Variants in CXCL13 observed in about 807,000 individuals in gnomAD.
The protein encoded by CXCL13 is C-X-C motif chemokine 13.
CXCL13 carries 7 observed loss-of-function variants against 12.2 expected under a neutral mutation model. The ratio of observed to expected loss-of-function variants is 0.57; its 90% CI spans 0.33 to 1.07. The LOEUF (loss-of-function observed/expected upper bound fraction) is 1.07. CXCL13 is among the 50% of genes least tolerant of loss of function. The pLI, the probability that CXCL13 is intolerant of heterozygous loss-of-function variation, is 0.04. For synonymous variants in CXCL13, 47 were observed against 42.4 expected (o/e 1.11, Z -0.42); for missense variants, 113 against 127.4 (o/e 0.89, Z 0.55).
chr4:77,608,356 C>T (rs983469784), intron 2 of CXCL13, among the ~76,000 whole-genome samples: 3 of 151,742 alleles, frequency 2.0e-5, no homozygotes, highest in Non-Finnish European at 4.4e-5. Context: ...AGGAGAACCG[C>T]TTGAACCTGG....
At chr4:77,565,877 T>A (rs1725916078) in intron 1 of CXCL13, among the ~76,000 whole-genome samples, 1 of 152,164 alleles carries the variant, frequency 6.6e-6, no homozygotes, top group Non-Finnish European at 1.5e-5. Flanking sequence ...CCTAGGTGGA[T>A]GTGTAATTAG....
chr4:77,589,412 C>A (rs947021210), intron 1 of CXCL13, among the ~76,000 whole-genome samples: 1 of 151,986 alleles, frequency 6.6e-6, no homozygotes, highest in Non-Finnish European at 1.5e-5. Flanking sequence ...TTCAAGTCAC[C>A]CTTACTTTAC....
rs115308291 is a variant in CXCL13 at position 77,525,919 on chromosome 4, T to G, written c.-43+14131T>G. Among the ~76,000 whole-genome samples the G allele has an allele frequency of 6.3e-3, 894 of 142,682 alleles. 10 individuals are homozygous for G. Among genetic ancestry groups the G allele is most frequent in the African/African-American group, 0.021 (823 of 39,696 alleles). The allele number at this position is 142,682 out of a possible 152,430, so 93.6% of individuals were successfully genotyped here. ...GTAGGCTTTTTTTAAATTGTGGGTT[T>G]GTTTTTTTTTTATTATTTTTGCCTT... On this transcript the variant is annotated intron_variant, in intron 1 of 4. Transcript: ENST00000286758.
At chr4:77,530,237 C>G (rs975110474) in intron 1 of CXCL13, among the ~76,000 whole-genome samples, 7 of 152,020 alleles carry the variant, frequency 4.6e-5, no homozygotes, top group African/African-American at 1.4e-4. Context: ...CTAAAATTCT[C>G]TTTTTTTGTT....
chr4:77,521,457 G>C (rs548071876), intron 1 of CXCL13, among the ~76,000 whole-genome samples: 6 of 152,134 alleles, frequency 3.9e-5, no homozygotes, highest in African/African-American at 1.4e-4. Context: ...GGGTGTATGT[G>C]TCCAGGAATT....
chr4:77,564,881 G>T (rs1247236284), intron 1 of CXCL13, among the ~76,000 whole-genome samples: 3 of 152,212 alleles, frequency 2.0e-5, no homozygotes, highest in South Asian at 4.1e-4. Context: ...GTGGAGCAAA[G>T]TTCCCCATTT....
chr4:77,576,177 C>T (rs1366493603), intron 1 of CXCL13, among the ~76,000 whole-genome samples: 1 of 149,594 alleles, frequency 6.7e-6, no homozygotes, highest in Non-Finnish European at 1.5e-5. Context: ...TCATGAAGAG[C>T]TGAAATGTTT....
intron 1 of CXCL13, among the ~76,000 whole-genome samples, chr4:77,524,623 G>T (rs549901956): frequency 6.6e-6 from 1 of 152,258 alleles, no homozygotes; most frequent in Non-Finnish European, 1.5e-5. Context: ...GGTACAGTCT[G>T]TTGCAGCTTC....
upstream of CXCL13, among the ~76,000 whole-genome samples, chr4:77,601,941 G>T (rs780849083): frequency 5.9e-5 from 9 of 152,196 alleles, no homozygotes; most frequent in African/African-American, 1.9e-4. Flanking sequence ...CTTTTCTATT[G>T]TGCTGAAAGT....
chr4:77,580,518 G>C (rs1220396111), intron 1 of CXCL13, among the ~76,000 whole-genome samples: 4 of 150,268 alleles, frequency 2.7e-5, no homozygotes, highest in Non-Finnish European at 5.9e-5. Context: ...GTAGAGACGG[G>C]GTTTCACCAT....
intron 1 of CXCL13, among the ~76,000 whole-genome samples, chr4:77,527,341 T>G (rs1174622989): frequency 6.6e-6 from 1 of 152,198 alleles, no homozygotes; most frequent in Non-Finnish European, 1.5e-5. Flanking sequence ...TTGCAGTTTC[T>G]TAAACATGCA....
At chr4:77,520,352 G>A (rs1009919260) in intron 1 of CXCL13, among the ~76,000 whole-genome samples, 2 of 152,260 alleles carry the variant, frequency 1.3e-5, no homozygotes, top group East Asian at 1.9e-4. Context: ...CATGAGCATG[G>A]AATGTTCTTC....
Position 77,608,546 on chromosome 4 carries a change from C to A in CXCL13, c.197+711C>A, listed in dbSNP as rs530031124. ...CGACACCTTGAAGTATTAGGCACAG[C>A]ATCTTTCTCAGGGCATCCCTGACTT... is the stretch of plus-strand genomic sequence containing the variant. On this transcript the variant is annotated intron_variant, in intron 2 of 3. Transcript: ENST00000682537. Among the ~76,000 whole-genome samples, 4 of 152,292 alleles carry A rather than the reference C, an allele frequency of 2.6e-5. No homozygotes were observed. The South Asian group carries it at 8.3e-4, about 32-fold the overall frequency.
Position 77,611,544 on chromosome 4 carries a change from C to T in CXCL13, c.*505C>T, listed in dbSNP as rs1217304003. 4 of 396,230 alleles carry T rather than the reference C, an allele frequency of 1.0e-5. No individual in the cohort carries two copies. Among genetic ancestry groups the T allele is most frequent in the South Asian group, 1.4e-4 (1 of 6,988 alleles). The allele number at this position is 396,230 out of a possible 1,614,324, so 24.5% of individuals were successfully genotyped here. A position where few individuals can be genotyped will look rare whatever the true frequency, so the allele number is the denominator to read the frequency against. On this transcript the variant is annotated 3_prime_UTR_variant, in exon 4 of 4. Coordinates refer to ENST00000682537, the MANE Select transcript of CXCL13 (RefSeq NM_001371558.1). The stretch of plus-strand genomic sequence containing the variant: ...ATATCCTCTGCTTAAAAACTCACTA[C>T]GGAGGAGAATTAAGTCCTACTTTTA...
In CXCL13 at chr4:77,611,750, G is replaced by A. The variant is rs1405395736; in HGVS notation, c.*711G>A. 8.0e-6 allele frequency: 3 copies of A among 375,052 alleles called. No individual in the cohort carries two copies. The highest frequency in any genetic ancestry group is 1.4e-5 in the Non-Finnish European group (3 of 214,524). The allele number at this position is 375,052 out of a possible 1,614,324, so 23.2% of individuals were successfully genotyped here. A position where few individuals can be genotyped will look rare whatever the true frequency, so the allele number is the denominator to read the frequency against. On this transcript the variant is annotated 3_prime_UTR_variant, in exon 4 of 4. Transcript: ENST00000682537. ...ACTGACTTTTTTTGTGGGGGGCGGG[G>A]CCGGGGGGACTCTGGTATCTAATTC...
chr4:77,522,514 C>CTTTTTTTTTTT lies in CXCL13; in HGVS notation c.-43+10746_-43+10756dup, dbSNP rs777857811. On this transcript the variant is annotated intron_variant, in intron 1 of 4. Coordinates refer to the CXCL13 transcript ENST00000286758. ...TCAGAGACTAGGACTGCAACCCCTGCTTTTTTTTTTTTTTTTTTTTTTTTT... is the reference window on the plus strand; with the variant it reads ...TCAGAGACTAGGACTGCAACCCCTGCTTTTTTTTTTTTTTTTTTTTTTTTTTTTTTTTTTTT... 2.0e-3 allele frequency among the ~76,000 whole-genome samples: 20 copies of CTTTTTTTTTTT among 10,090 alleles called. 4 individuals are homozygous for CTTTTTTTTTTT. Among genetic ancestry groups the CTTTTTTTTTTT allele is most frequent in the African/African-American group, 4.3e-3 (11 of 2,558 alleles). The allele number at this position is 10,090 out of a possible 152,430, so 6.6% of individuals were successfully genotyped here. A position where few individuals can be genotyped will look rare whatever the true frequency, so the allele number is the denominator to read the frequency against.
intron 1 of CXCL13, among the ~76,000 whole-genome samples, chr4:77,532,635 G>C (rs566669456): frequency 6.6e-6 from 1 of 152,322 alleles, no homozygotes; most frequent in African/African-American, 2.4e-5. Context: ...ATATCCTGTA[G>C]AGTGTTTTCC....
At chr4:77,516,793 G>T (rs183041215) in intron 1 of CXCL13, among the ~76,000 whole-genome samples, 10,900 of 151,880 alleles carry the variant, frequency 0.072, 1,107 homozygotes, top group African/African-American at 0.23. Context: ...AAGGGTTTTT[G>T]TGTCTCTATT....
chr4:77,571,591 G>A (rs971669894), intron 1 of CXCL13, among the ~76,000 whole-genome samples: 9 of 151,780 alleles, frequency 5.9e-5, no homozygotes, highest in South Asian at 2.1e-4. Context: ...TGATGGGGAC[G>A]TGGAGAACCT....
Sources: gnomAD v4.1 joint callset for allele counts (sites outside exome capture counted in the v4.1 genomes callset) on GRCh38, gnomAD v4.1.1 for gene constraint, MANE v1.5 for transcripts, NCBI Gene and HGNC (gene_info 2026-07-23, HGNC 2026-07-21) for gene names.